Variants in ZAP70 observed in about 807,000 individuals in gnomAD.
ZAP70 encodes tyrosine-protein kinase ZAP-70.
In ZAP70, 27 loss-of-function variants were observed where a neutral mutation model predicts 65.8. That is an observed-to-expected ratio of 0.41 (90% CI 0.30 to 0.57). ZAP70 has a LOEUF of 0.57. Ranked by LOEUF, ZAP70 falls within the 20% of genes least tolerant of loss-of-function variation. The probability of loss-of-function intolerance (pLI) is 0.28; values close to 1 mark genes in which losing one functional copy is unlikely to be tolerated. For synonymous variants in ZAP70, 363 were observed against 360.8 expected, an observed-to-expected ratio of 1.01 and a Z score of -0.07; for missense variants, 696 against 870.5, an observed-to-expected ratio of 0.80 and a Z score of 2.52.
At chr2:97,750,078 T>C in the ZAP70 span, among the ~76,000 whole-genome samples, 1 of 152,182 alleles carries the variant, frequency 6.6e-6, no homozygotes, top group African/African-American at 2.4e-5. Flanking sequence ...GTTTTGCATA[T>C]AGGGAAACTG....
chr2:97,746,131 G>A, the ZAP70 span, among the ~76,000 whole-genome samples: 80 of 152,284 alleles, frequency 5.3e-4, 1 homozygote, highest in African/African-American at 1.8e-3. Flanking sequence ...AATTCATAGA[G>A]ACGGGAAGCA....
chr2:97,728,709 T>G lies in ZAP70; in HGVS notation c.563+3457T>G, dbSNP rs1404401329. On this transcript the variant is annotated intron_variant, in intron 4 of 13. Coordinates refer to ENST00000264972, the MANE Select transcript of ZAP70 (RefSeq NM_001079.4). ...TTTATGGAACCGGCTGATTCGACTT[T>G]AAAAGAAACTTGTCCTGGAAAGGGC... Among the ~76,000 whole-genome samples the G allele has an allele frequency of 4.6e-5, 7 of 152,234 alleles. No individual in the cohort carries two copies. In the East Asian group the frequency reaches 1.3e-3, roughly 29 times the overall value.
intron 2 of ZAP70, among the ~76,000 whole-genome samples, chr2:97,717,168 A>G (rs1676953703): frequency 6.6e-6 from 1 of 151,176 alleles, no homozygotes; most frequent in South Asian, 2.1e-4. Context: ...AGCAGGGAAC[A>G]TGGCTTCAGA....
chr2:97,752,044 T>C, the ZAP70 span, among the ~76,000 whole-genome samples: 1 of 151,996 alleles, frequency 6.6e-6, no homozygotes, highest in East Asian at 1.9e-4. Flanking sequence ...TAGAAGTAAG[T>C]GGGGATTTTC....
Position 97,738,089 on chromosome 2 carries a change from G to A in ZAP70, c.1718G>A (p.Ser573Asn), listed in dbSNP as rs1357191899. 1 of 1,604,312 alleles carries A rather than the reference G, an allele frequency of 6.2e-7. No individual in the cohort carries two copies. The change falls in exon 13 of 14, where the codon AGT becomes AAT. Residue 573 changes from serine (S) to asparagine (N), a missense_variant. Transcript: ENST00000264972. Reference sequence around the variant, plus strand: ...CCACCCGAACTGTACGCACTCATGAGTGACTGCTGGATCTACAAGTGAGTG... The same window carrying A: ...CCACCCGAACTGTACGCACTCATGAATGACTGCTGGATCTACAAGTGAGTG... Reference protein sequence around the residue: ...ECPPELYALMSDCWIYKWEDR... With the variant: ...ECPPELYALMNDCWIYKWEDR...
chr2:97,756,237 T>G, the ZAP70 span: 1 of 152,266 alleles, frequency 6.6e-6, no homozygotes, highest in Admixed American at 6.5e-5. Flanking sequence ...TCTTAACCTG[T>G]CAGCTCCACA....
the ZAP70 span, among the ~76,000 whole-genome samples, chr2:97,755,776 CCT>C: frequency 1.3e-5 from 2 of 152,224 alleles, no homozygotes; most frequent in African/African-American, 4.8e-5. Flanking sequence ...TTTCTGTCTT[CCT>C]CTCACCATAC....
the ZAP70 span, among the ~76,000 whole-genome samples, chr2:97,749,878 G>C: frequency 6.6e-6 from 1 of 152,232 alleles, no homozygotes; most frequent in Non-Finnish European, 1.5e-5. Context: ...CAGTGGCAAG[G>C]AGCTCAGGAG....
In ZAP70 at chr2:97,735,445, G is replaced by C. The variant is rs1240472219; in HGVS notation, c.1278G>C (p.Leu426=). 2.5e-6 allele frequency: 4 copies of C among 1,611,646 alleles called. No homozygotes were observed. The highest frequency in any genetic ancestry group is 2.2e-5 in the East Asian group (1 of 44,806). ...GGGGCGGGCCGCTGCACAAGTTCCT[G>C]GTCGGCAAGAGGTGAGCACCGGGTG... is the stretch of plus-strand genomic sequence containing the variant. ...MAGGGPLHKF[L]VGKREEIPVS... The change falls in exon 10 of 14, where the codon CTG becomes CTC. Residue 426 remains leucine, a synonymous_variant. Transcript: ENST00000264972.
intron 3 of ZAP70, chr2:97,724,705 G>A (rs990534155): frequency 4.0e-5 from 61 of 1,516,166 alleles, no homozygotes; most frequent in Non-Finnish European, 5.1e-5. Flanking sequence ...GCACTGGGCC[G>A]GGCGAAGGCG....
intron 2 of ZAP70, among the ~76,000 whole-genome samples, chr2:97,717,716 A>G (rs939099543): frequency 6.6e-6 from 1 of 152,238 alleles, no homozygotes; most frequent in African/African-American, 2.4e-5. Flanking sequence ...GTCTTCTCGG[A>G]GCCTTTAATG....
chr2:97,732,427 C>T (rs1049705523), intron 4 of ZAP70, among the ~76,000 whole-genome samples: 5 of 152,140 alleles, frequency 3.3e-5, no homozygotes, highest in Admixed American at 6.5e-5. Context: ...AGGCCAAGTG[C>T]CCCCCATGGT....
chr2:97,751,816 G>A, the ZAP70 span, among the ~76,000 whole-genome samples: 2 of 152,194 alleles, frequency 1.3e-5, no homozygotes, highest in Non-Finnish European at 2.9e-5. Flanking sequence ...GGAGGAAGAG[G>A]GAGGTGGGGG....
At chr2:97,722,971 A>G (rs1173324181) in intron 2 of ZAP70, among the ~76,000 whole-genome samples, 1 of 152,186 alleles carries the variant, frequency 6.6e-6, no homozygotes, top group African/African-American at 2.4e-5. Context: ...GAATGAACAC[A>G]TCTTAAGTGT....
At position 97,717,093 on chromosome 2, in the gene ZAP70, G is replaced by A. The variant is rs1184035044; in HGVS notation, c.-22+3099G>A. Reference sequence around the variant, plus strand: ...CGTCACCAAGCTGGCGTGTGCTGACGACCAGTGCCTATGCTGCCTCTGTTG... The same window carrying A: ...CGTCACCAAGCTGGCGTGTGCTGACAACCAGTGCCTATGCTGCCTCTGTTG... On this transcript the variant is annotated intron_variant, in intron 2 of 13. Coordinates refer to ENST00000264972, the MANE Select transcript of ZAP70 (RefSeq NM_001079.4). 5.9e-5 allele frequency among the ~76,000 whole-genome samples: 9 copies of A among 152,216 alleles called. No individual in the cohort carries two copies. In the East Asian group the frequency reaches 1.2e-3, roughly 20 times the overall value.
chr2:97,718,579 G>A (rs1677041796), intron 2 of ZAP70, among the ~76,000 whole-genome samples: 1 of 152,166 alleles, frequency 6.6e-6, no homozygotes, highest in Admixed American at 6.5e-5. Flanking sequence ...GGACAGGGAA[G>A]CTGGGACGCA....
In ZAP70 at chr2:97,734,633, G is replaced by C; in HGVS notation, c.1003G>C (p.Asp335His). Residue 335 changes from aspartate (D) to histidine (H), a missense_variant, in exon 9 of 14, where the codon GAT becomes CAT. Physicochemically the swap from Asp to His is moderately conservative, Grantham distance 81 (BLOSUM62 -1). This residue lies in a region of ZAP70 where 551 missense variants were observed against 630.0 expected (regional missense o/e 0.87). Coordinates refer to ENST00000264972, the MANE Select transcript of ZAP70 (RefSeq NM_001079.4). ...LKDKKLFLKRDNLLIADIELG... is the reference protein window; with the variant it reads ...LKDKKLFLKRHNLLIADIELG... The stretch of plus-strand genomic sequence containing the variant: ...GGACAAGAAGCTCTTCCTGAAGCGC[G>C]ATAACCTCCTCATAGCTGACATTGA... 6.2e-7 allele frequency: 1 copy of C among 1,614,218 alleles called. No homozygotes were observed. Among genetic ancestry groups the C allele is most frequent in the Non-Finnish European group, 8.5e-7 (1 of 1,180,028 alleles).
At chr2:97,725,367 C>A in intron 4 of ZAP70, 115 bp downstream of exon 4, 1 of 1,308,276 alleles carries the variant, frequency 7.6e-7, no homozygotes, top group Non-Finnish European at 1.1e-6. Context: ...CCTGTGCTCA[C>A]ATGTGCAAGT....
chr2:97,725,327 G>T (rs1230355024), intron 4 of ZAP70, 75 bp downstream of exon 4: 1 of 1,573,696 alleles, frequency 6.4e-7, no homozygotes, highest in Non-Finnish European at 8.7e-7. Context: ...TGGGGCAGAC[G>T]TGAGTGTGCA....
Sources: gnomAD v4.1 joint callset for allele counts (sites outside exome capture counted in the v4.1 genomes callset) on GRCh38, gnomAD v4.1.1 for gene constraint, gnomAD v4.1.1 regional missense constraint, MANE v1.5 for transcripts, NCBI Gene and HGNC (gene_info 2026-07-23, HGNC 2026-07-21) for gene names.